The following MYOM3 variants were observed in gnomAD, a reference collection of about 807,000 sequenced individuals.
The protein encoded by MYOM3 is myomesin 3.
MYOM3 carries 155 observed loss-of-function variants against 191.7 expected under a neutral mutation model. The observed-to-expected ratio is 0.81, with a 90% CI of 0.71 to 0.92. The LOEUF (loss-of-function observed/expected upper bound fraction) is 0.92, where lower values mean the gene tolerates loss of function less well. Among genes scored for constraint, MYOM3 ranks in the 40% least tolerant of loss-of-function variants. The probability of loss-of-function intolerance (pLI) is 0.00; values close to 1 mark genes in which losing one functional copy is unlikely to be tolerated. For missense variants in MYOM3, 1,889 were observed against 1,890.6 expected (o/e 1.00, Z 0.02); for synonymous variants, 757 against 762.9 (o/e 0.99, Z 0.13).
At chr1:24,059,503 G>C (rs1643342649) in intron 35 of MYOM3, among the ~76,000 whole-genome samples, 1 of 152,222 alleles carries the variant, frequency 6.6e-6, no homozygotes, top group Non-Finnish European at 1.5e-5. Context: ...ATGGGACATA[G>C]TGTTTTTCTG....
chr1:24,078,412 C>A (rs1355742696), intron 20 of MYOM3, among the ~76,000 whole-genome samples: 4 of 152,182 alleles, frequency 2.6e-5, no homozygotes, highest in Non-Finnish European at 4.4e-5. Flanking sequence ...ACCCGCCGTG[C>A]CCAGCCAAAA....
chr1:24,058,815 C>T, intron 36 of MYOM3, 109 bp downstream of exon 36: 3 of 826,050 alleles, frequency 3.6e-6, no homozygotes, highest in South Asian at 3.0e-5. Flanking sequence ...GGTCACTTGG[C>T]CACTCTTTGG....
Position 24,089,659 on chromosome 1 carries a change from A to G in MYOM3, c.1493T>C (p.Val498Ala). The G allele has an allele frequency of 6.3e-7, 1 of 1,581,636 alleles. No homozygotes were observed. The highest frequency in any genetic ancestry group is 8.6e-7 in the Non-Finnish European group (1 of 1,163,806). ...ATTGGTTGGCGGTGAGGGGATGGTC[A>G]CAGTATCTGAAATCAGAGTCACCCG... is the stretch of plus-strand genomic sequence containing the variant. The part of the protein sequence containing the change: ...TISTDAFEDT[V>A]TIPSPPTNVH... The change falls in exon 14 of 37, where the codon GTG (valine) becomes GCG (alanine). Residue 498 changes from valine (V) to alanine (A), a missense_variant. Transcript: ENST00000374434.
chr1:24,092,445 G>A lies in MYOM3; in HGVS notation c.1091-130C>T, dbSNP rs924258304. On this transcript the variant is annotated intron_variant, in intron 10 of 36. Transcript: ENST00000374434. ...CTCAGTTTTGATCTTGAGGACTGGG[G>A]CCTGAATATTAGTCCCACTACCCCC... 4.0e-6 allele frequency: 3 copies of A among 743,380 alleles called. No homozygotes were observed. In the African/African-American group the frequency reaches 5.5e-5, roughly 14 times the overall value. 46.0% of individuals were successfully genotyped at this position (743,380 alleles called of 1,614,324 possible). A position where few individuals can be genotyped will look rare whatever the true frequency, so the allele number is the denominator to read the frequency against.
rs1196044786 is a variant in MYOM3 at position 24,081,785 on chromosome 1, C to A, written c.2280+216G>T. The A allele has an allele frequency of 5.0e-6, 3 of 601,600 alleles. No homozygotes were observed. In the Admixed American group the frequency reaches 9.4e-5, roughly 19 times the overall value. The allele number at this position is 601,600 out of a possible 1,614,324, so 37.3% of individuals were successfully genotyped here. ...GAACATGTTGCAGACTGGTCTCAAA[C>A]TCCCAAACTCCTGAGCTCAAGCAAT... On this transcript the variant is annotated intron_variant, in intron 18 of 36. Transcript: ENST00000374434.
intron 24 of MYOM3, among the ~76,000 whole-genome samples, chr1:24,071,551 G>A (rs915039187): frequency 7.9e-5 from 12 of 152,332 alleles, no homozygotes; most frequent in South Asian, 2.1e-4. Context: ...CACCCTCAGA[G>A]ATTCTGATTT....
rs1312246725 is a variant in MYOM3, at chr1:24,103,850, G to C, written c.560+2070C>G. On this transcript the variant is annotated intron_variant, in intron 5 of 36. Coordinates refer to ENST00000374434, the MANE Select transcript of MYOM3 (RefSeq NM_152372.4). ...CCACAAAATGCTTAAAAGGTAGCTT[G>C]ACTCTTTGTTCATGGCTCAGTCCTT... 2.0e-5 allele frequency among the ~76,000 whole-genome samples: 3 copies of C among 148,468 alleles called. No homozygotes were observed. In the East Asian group the frequency reaches 6.0e-4, roughly 30 times the overall value.
intron 32 of MYOM3, among the ~76,000 whole-genome samples, chr1:24,062,615 G>C (rs962426243): frequency 2.0e-5 from 3 of 152,230 alleles, no homozygotes; most frequent in Admixed American, 1.3e-4. Context: ...AGTCTCTGTG[G>C]GTACCTCATC....
At chr1:24,082,506 A>G in intron 17 of MYOM3, 87 bp downstream of exon 17, 1 of 1,469,512 alleles carries the variant, frequency 6.8e-7, no homozygotes, top group Non-Finnish European at 9.0e-7. Context: ...GGCCACCAGG[A>G]CTGGGCCCTC....
At chr1:24,076,576 G>C (rs12126710) in intron 20 of MYOM3, among the ~76,000 whole-genome samples, 2 of 63,594 alleles carry the variant, frequency 3.1e-5, no homozygotes, top group African/African-American at 5.0e-5. Flanking sequence ...TGCAGTGGCG[G>C]GATCTCGGCT....
rs142469582 is a variant in MYOM3, at chr1:24,086,456, T to C, written c.1798+188A>G. ...GAAGGCTCTCTCCCTCCATGAGCCTTCTGCCCAGAGAAATGTGATTTCTGA... is the reference window on the plus strand; with the variant it reads ...GAAGGCTCTCTCCCTCCATGAGCCTCCTGCCCAGAGAAATGTGATTTCTGA... On this transcript the variant is annotated intron_variant, in intron 15 of 36. Transcript: ENST00000374434. Among the ~76,000 whole-genome samples the C allele has an allele frequency of 1.7e-3, 265 of 152,234 alleles. 6 individuals carry two copies. In the East Asian group the frequency reaches 0.046, roughly 27 times the overall value.
rs2148538960 is a variant in MYOM3, at chr1:24,057,131, A to G, written c.*233T>C. On this transcript the variant is annotated 3_prime_UTR_variant, in exon 37 of 37. Transcript: ENST00000374434. ...TAGCCCCAGTGCATCCGGGTCTCCTACTCCAGGTCCAGGGTTCATCCCGCT... is the reference window on the plus strand; with the variant it reads ...TAGCCCCAGTGCATCCGGGTCTCCTGCTCCAGGTCCAGGGTTCATCCCGCT... 1 of 559,060 alleles carries G rather than the reference A, an allele frequency of 1.8e-6. No individual in the cohort carries two copies. The highest frequency in any genetic ancestry group is 2.9e-5 in the East Asian group (1 of 34,452). The allele number at this position is 559,060 out of a possible 1,614,324, so 34.6% of individuals were successfully genotyped here.
At chr1:24,080,238 C>T (rs1315324141) in intron 19 of MYOM3, 44 bp from the exon 20 acceptor site, 1 of 1,498,862 alleles carries the variant, frequency 6.7e-7, no homozygotes, top group South Asian at 1.2e-5. Context: ...AGTTGGGCAG[C>T]CAGGCAGCCA....
At position 24,094,970 on chromosome 1, in the gene MYOM3, C is replaced by T. The variant is rs373644078; in HGVS notation, c.811G>A (p.Val271Met). 43 of 1,613,136 alleles carry T rather than the reference C, an allele frequency of 2.7e-5. No homozygotes were observed. The highest frequency in any genetic ancestry group is 1.6e-4 in the Middle Eastern group (1 of 6,066). Residue 271 changes from valine to methionine, a missense_variant, in exon 9 of 37, where the codon GTG becomes ATG. Val to Met is a conservative substitution (Grantham distance 21). Coordinates refer to ENST00000374434, the MANE Select transcript of MYOM3 (RefSeq NM_152372.4). ...GGCTTCAGCACCGAGGTGAATTCCACGCTGGGGCCAAACGTCGATCCTGGC... is the reference window on the plus strand; with the variant it reads ...GGCTTCAGCACCGAGGTGAATTCCATGCTGGGGCCAAACGTCGATCCTGGC... ...IFKRSTFGPS[V>M]EFTSVLKPVF...
intron 16 of MYOM3, chr1:24,083,485 A>G (rs1643699475): frequency 6.5e-6 from 1 of 152,690 alleles, no homozygotes; most frequent in African/African-American, 2.4e-5. Flanking sequence ...CTCGCTCCTC[A>G]GCTTGCAAAC....
At chr1:24,078,194 A>C (rs888126569) in intron 20 of MYOM3, among the ~76,000 whole-genome samples, 6 of 150,962 alleles carry the variant, frequency 4.0e-5, no homozygotes, top group Admixed American at 4.0e-4. Context: ...GGCTCACTGC[A>C]ACCTCCGCCT....
In MYOM3 at chr1:24,097,115, G is replaced by A. The variant is rs143145692; in HGVS notation, c.745+808C>T. ...GATGCCCATGGGGTGACCTCCAGGA[G>A]GGGCCCAAGCCCAGCTGGAAAATGT... On this transcript the variant is annotated intron_variant, in intron 7 of 36. Coordinates refer to ENST00000374434, the MANE Select transcript of MYOM3 (RefSeq NM_152372.4). Among the ~76,000 whole-genome samples, 201 of 152,330 alleles carry A rather than the reference G, an allele frequency of 1.3e-3. 1 individual carries two copies. Among genetic ancestry groups the A allele is most frequent in the African/African-American group, 4.8e-3 (198 of 41,586 alleles).
At position 24,093,016 on chromosome 1, in the gene MYOM3, C is replaced by G. The variant is rs1402087781; in HGVS notation, c.1021G>C (p.Gly341Arg). The change falls in exon 10 of 37, where the codon GGG becomes CGG. Residue 341 changes from glycine (G) to arginine (R), a missense_variant. Physicochemically the swap from Gly to Arg is moderately radical, Grantham distance 125. Coordinates refer to ENST00000374434, the MANE Select transcript of MYOM3 (RefSeq NM_152372.4). ...KVSCTYKEDE[G>R]LYMVRVPSPF... ...GAGGGCACCCGGACCATGTAGAGCC[C>G]CTCGTCCTCCTTGTAGGTGCAGGAC... The G allele has an allele frequency of 6.2e-7, 1 of 1,612,952 alleles. No homozygotes were observed. The highest frequency in any genetic ancestry group is 2.2e-5 in the East Asian group (1 of 44,880).
chr1:24,063,553 G>A lies in MYOM3; in HGVS notation c.3623-23C>T, dbSNP rs1004433752. ...GGGCTGGCGGGAAACAGAGAGAAGG[G>A]TTAGCTGGCATAGGGCTCCCCTAGG... On this transcript the variant is annotated intron_variant, in intron 30 of 36. Transcript: ENST00000374434. The surrounding 1 kb of genome is among the most constrained non-coding windows in gnomAD (Gnocchi z 4.5). 1.2e-6 allele frequency: 2 copies of A among 1,614,100 alleles called. No individual in the cohort carries two copies. Among genetic ancestry groups the A allele is most frequent in the East Asian group, 4.5e-5 (2 of 44,878 alleles).
Sources: gnomAD v4.1 joint callset for allele counts (sites outside exome capture counted in the v4.1 genomes callset) on GRCh38, gnomAD v4.1.1 for gene constraint, Gnocchi (gnomAD v3.1) non-coding constraint, MANE v1.5 for transcripts, NCBI Gene and HGNC (gene_info 2026-07-23, HGNC 2026-07-21) for gene names.